The following BRF1 variants were observed in gnomAD, a reference collection of about 807,000 sequenced individuals.
BRF1 encodes BRF1 general transcription factor IIIB subunit.
Under a neutral mutation model 81.7 loss-of-function variants are expected in BRF1, and 59 were observed. That is an observed-to-expected ratio of 0.72 (90% CI 0.59 to 0.90). The LOEUF (loss-of-function observed/expected upper bound fraction) is 0.90, where lower values mean the gene tolerates loss of function less well. Ranked by LOEUF, BRF1 falls within the 40% of genes least tolerant of loss-of-function variation. The pLI is 0.00. For synonymous variants in BRF1, 491 were observed against 395.6 expected (o/e 1.24, Z -2.86); for missense variants, 1,050 against 936.3 (o/e 1.12, Z -1.58).
At chr14:105,297,527 G>A (rs767094573) in intron 1 of BRF1, among the ~76,000 whole-genome samples, 20 of 152,006 alleles carry the variant, frequency 1.3e-4, no homozygotes, top group Admixed American at 8.5e-4. Flanking sequence ...CTCAGATCGC[G>A]CCACTGCACT....
rs587751484 is a variant in BRF1, at chr14:105,220,901, C to T, written c.1315+747G>A. Among the ~76,000 whole-genome samples the T allele has an allele frequency of 3.1e-4, 47 of 152,348 alleles. 1 individual carries two copies. Among genetic ancestry groups the T allele is most frequent in the African/African-American group, 1.1e-3 (45 of 41,584 alleles). On this transcript the variant is annotated intron_variant, in intron 11 of 17. Transcript: ENST00000547530. Reference sequence around the variant, plus strand: ...CCCTTTCTGCTCAGGGTCACTGTGCCGCTGGCTGCCCCAGGGCCTGTGCAT... The same window carrying T: ...CCCTTTCTGCTCAGGGTCACTGTGCTGCTGGCTGCCCCAGGGCCTGTGCAT...
At chr14:105,241,778 C>A in intron 5 of BRF1, 1 of 283,326 alleles carries the variant, frequency 3.5e-6, no homozygotes, top group African/African-American at 2.1e-5. Context: ...ACTCTTAGAG[C>A]AAGACAGGCG....
At chr14:105,270,883 T>C (rs2056625323) in intron 3 of BRF1, among the ~76,000 whole-genome samples, 1 of 151,420 alleles carries the variant, frequency 6.6e-6, no homozygotes, top group African/African-American at 2.4e-5. Flanking sequence ...CAGCTCGTCA[T>C]CTCCAGGAGC....
At chr14:105,220,153 C>T (rs766439371) in intron 11 of BRF1, 23 bp from the exon 12 acceptor site, 71 of 1,612,864 alleles carry the variant, frequency 4.4e-5, no homozygotes, top group Non-Finnish European at 5.5e-5. Flanking sequence ...ACAGCATCCG[C>T]GTCACTCAGG....
chr14:105,250,488 A>C, intron 5 of BRF1: 1 of 1,614,012 alleles, frequency 6.2e-7, no homozygotes, highest in Non-Finnish European at 8.5e-7. Context: ...GTCCAGGTTG[A>C]ACAAGACACC....
intron 5 of BRF1, chr14:105,248,053 T>A (rs1483714777): frequency 2.0e-6 from 2 of 985,374 alleles, no homozygotes; most frequent in African/African-American, 3.5e-5. Context: ...GCCGGCTGTG[T>A]GACCTTCAGC....
chr14:105,226,007 G>T, intron 10 of BRF1, 62 bp downstream of exon 10: 1 of 1,447,264 alleles, frequency 6.9e-7, no homozygotes, highest in Non-Finnish European at 9.6e-7. Context: ...ATCCTGAAGA[G>T]ATCTGCTGAG....
intron 16 of BRF1, chr14:105,211,586 C>G (rs910116857): frequency 4.4e-6 from 2 of 458,470 alleles, no homozygotes; most frequent in African/African-American, 4.0e-5. Flanking sequence ...CCTTTCCAGA[C>G]CATAGGCCTC....
intron 1 of BRF1, among the ~76,000 whole-genome samples, chr14:105,313,011 G>A (rs1314804165): frequency 1.3e-5 from 2 of 152,124 alleles, no homozygotes; most frequent in Non-Finnish European, 2.9e-5. Context: ...GAACTGTCAC[G>A]TCCCTTAAGG....
intron 5 of BRF1, chr14:105,250,898 T>C (rs1278455846): frequency 5.2e-6 from 3 of 573,162 alleles, no homozygotes; most frequent in Non-Finnish European, 6.3e-6. Context: ...GGAGGAAGAT[T>C]TACGGCTCAA....
intron 15 of BRF1, among the ~76,000 whole-genome samples, chr14:105,216,838 G>A (rs587775860): frequency 1.3e-5 from 2 of 152,240 alleles, no homozygotes; most frequent in African/African-American, 4.8e-5. Context: ...AGTGAAGGTC[G>A]GAACCACCAA....
intron 15 of BRF1, among the ~76,000 whole-genome samples, chr14:105,215,334 T>A (rs1890935863): frequency 6.6e-6 from 1 of 152,092 alleles, no homozygotes; most frequent in Admixed American, 6.6e-5. Context: ...GTACACATGT[T>A]GCATGCACAC....
chr14:105,314,450 G>A (rs922736517), intron 1 of BRF1: 1 of 148,668 alleles, frequency 6.7e-6, no homozygotes, highest in African/African-American at 2.5e-5. Context: ...CCTTGCCCGC[G>A]GCTCCCGGGG....
chr14:105,302,285 C>T (rs1454081833), upstream of BRF1, among the ~76,000 whole-genome samples: 1 of 149,296 alleles, frequency 6.7e-6, no homozygotes, highest in Non-Finnish European at 1.5e-5. Flanking sequence ...CTCACTGCAA[C>T]CTCTGCCTCC....
intron 5 of BRF1, chr14:105,242,098 T>A (rs2054713327): frequency 6.6e-6 from 1 of 152,666 alleles, no homozygotes; most frequent in Non-Finnish European, 1.5e-5. Flanking sequence ...CAGGCTCAGG[T>A]GGCTATGACT....
chr14:105,261,228 C>G (rs1017264254), intron 3 of BRF1, among the ~76,000 whole-genome samples: 2 of 152,190 alleles, frequency 1.3e-5, no homozygotes, highest in Non-Finnish European at 2.9e-5. Context: ...AGGAGAGACG[C>G]GGGAGCACAA....
At chr14:105,229,023 A>G in intron 6 of BRF1, 110 bp from the exon 7 acceptor site, 1 of 981,406 alleles carries the variant, frequency 1.0e-6, no homozygotes, top group East Asian at 2.4e-5. Context: ...ATGGCCTGAG[A>G]AGACGTGTCT....
intron 5 of BRF1, chr14:105,248,417 T>C: frequency 3.0e-6 from 3 of 985,286 alleles, no homozygotes; most frequent in Non-Finnish European, 2.4e-6. Flanking sequence ...CACGGCTACC[T>C]CTGCACAGCG....
chr14:105,248,669 G>A (rs2055333961), intron 5 of BRF1: 1 of 981,374 alleles, frequency 1.0e-6, no homozygotes, highest in African/African-American at 1.8e-5. Flanking sequence ...GGGTGGCAGG[G>A]GAGCGGGTGG....
Sources: gnomAD v4.1 joint callset for allele counts (sites outside exome capture counted in the v4.1 genomes callset) on GRCh38, gnomAD v4.1.1 for gene constraint, MANE v1.5 for transcripts, NCBI Gene and HGNC (gene_info 2026-07-23, HGNC 2026-07-21) for gene names.